MORC1: variants seen among roughly 807,000 people sequenced by gnomAD.
The protein encoded by MORC1 is MORC family CW-type zinc finger protein 1.
In MORC1, 59 loss-of-function variants were observed where a neutral mutation model predicts 134.9. That is an observed-to-expected ratio of 0.44 (90% confidence interval 0.35 to 0.54). MORC1 has a LOEUF of 0.54. MORC1 is among the 20% of genes least tolerant of loss of function. MORC1 has a pLI of 0.00. For synonymous variants in MORC1, 395 were observed against 391.7 expected, an observed-to-expected ratio of 1.01 and a Z score of -0.10; for missense variants, 947 against 1,134.5, an observed-to-expected ratio of 0.83 and a Z score of 2.37.
chr3:109,022,232 T>C (rs1948975054), intron 17 of MORC1, among the ~76,000 whole-genome samples: 1 of 152,210 alleles, frequency 6.6e-6, no homozygotes. Context: ...ATGGCATCTG[T>C]CACTATAGTT....
At chr3:108,975,348 C>A (rs1947518908) in intron 24 of MORC1, among the ~76,000 whole-genome samples, 1 of 152,162 alleles carries the variant, frequency 6.6e-6, no homozygotes, top group South Asian at 2.1e-4. Context: ...TTTCCTTTAA[C>A]AACTGGCAGA....
At chr3:109,010,877 A>G (rs1239112142) in intron 17 of MORC1, among the ~76,000 whole-genome samples, 3 of 152,216 alleles carry the variant, frequency 2.0e-5, no homozygotes, top group Non-Finnish European at 2.9e-5. Flanking sequence ...CTGAATGGAC[A>G]TGCCATAATT....
At position 109,099,314 on chromosome 3, in the gene MORC1, C is replaced by G. The variant is rs546466022; in HGVS notation, c.423+44G>C. ...CACCTCCTGAGAGAGTAAATGAAAG[C>G]AACATCATTGCTATGGGAACAGAAG... On this transcript the variant is annotated intron_variant, in intron 6 of 27. Coordinates refer to ENST00000232603, the MANE Select transcript of MORC1 (RefSeq NM_014429.4). 3.6e-6 allele frequency: 5 copies of G among 1,394,934 alleles called. No homozygotes were observed. The South Asian group carries it at 6.4e-5, about 18-fold the overall frequency. 86.4% of individuals were successfully genotyped at this position (1,394,934 alleles called of 1,614,324 possible).
intron 17 of MORC1, among the ~76,000 whole-genome samples, chr3:109,019,599 T>C (rs1271557605): frequency 6.6e-6 from 1 of 152,214 alleles, no homozygotes; most frequent in Non-Finnish European, 1.5e-5. Flanking sequence ...CCAGTCTGCG[T>C]TGGCTGAAAT....
At chr3:109,077,922 G>A (rs1210482340) in intron 8 of MORC1, among the ~76,000 whole-genome samples, 1 of 151,918 alleles carries the variant, frequency 6.6e-6, no homozygotes, top group Non-Finnish European at 1.5e-5. Flanking sequence ...ATACACAGTA[G>A]GAAAATGTTA....
chr3:108,990,855 A>G (rs1276379647), intron 21 of MORC1, among the ~76,000 whole-genome samples: 1 of 151,998 alleles, frequency 6.6e-6, no homozygotes, highest in African/African-American at 2.4e-5. Context: ...GAGTCCAGGT[A>G]TATGAACGAC....
chr3:108,970,981 C>T (rs926993075), intron 25 of MORC1, among the ~76,000 whole-genome samples: 1 of 152,130 alleles, frequency 6.6e-6, no homozygotes, highest in Non-Finnish European at 1.5e-5. Flanking sequence ...CCTAATGTGC[C>T]TGACCTACCC....
chr3:108,983,783 A>G (rs538601829), intron 23 of MORC1, among the ~76,000 whole-genome samples: 40 of 152,324 alleles, frequency 2.6e-4, no homozygotes, highest in Non-Finnish European at 8.8e-5. Context: ...TTGAACTGAG[A>G]CTTAAATGAA....
chr3:109,044,424 G>A (rs909622792), intron 14 of MORC1, among the ~76,000 whole-genome samples: 6 of 152,126 alleles, frequency 3.9e-5, no homozygotes, highest in Admixed American at 3.3e-4. Context: ...CAGGCATGGT[G>A]GCGGGCACCT....
intron 8 of MORC1, among the ~76,000 whole-genome samples, chr3:109,089,123 A>AC (rs1950670571): frequency 1.3e-5 from 2 of 152,200 alleles, no homozygotes; most frequent in South Asian, 2.1e-4. Flanking sequence ...TGGGCTTAAT[A>AC]CCTGAGTGAT....
chr3:108,999,094 G>A (rs113172001), intron 21 of MORC1, among the ~76,000 whole-genome samples: 1 of 152,118 alleles, frequency 6.6e-6, no homozygotes, highest in Admixed American at 6.5e-5. Flanking sequence ...CAAGAGAGGC[G>A]GCATTATTTA....
chr3:109,100,333 G>T, intron 5 of MORC1, 84 bp downstream of exon 5: 1 of 1,055,370 alleles, frequency 9.5e-7, no homozygotes, highest in Non-Finnish European at 1.5e-6. Flanking sequence ...AGCTTTACAT[G>T]CCTGCATCAT....
At chr3:109,070,415 G>A (rs114655755) in intron 8 of MORC1, among the ~76,000 whole-genome samples, 228 of 152,262 alleles carry the variant, frequency 1.5e-3, no homozygotes, top group African/African-American at 4.5e-3. Context: ...TTGTAAAGCT[G>A]CATTTTGGGA....
intron 17 of MORC1, among the ~76,000 whole-genome samples, chr3:109,027,532 G>A (rs565448472): frequency 2.6e-5 from 4 of 151,138 alleles, no homozygotes; most frequent in African/African-American, 4.9e-5. Flanking sequence ...ATGCATTGTC[G>A]TATAGATGGG....
Position 108,963,500 on chromosome 3 carries a change from GC to G in MORC1, c.2712del (p.Gln905AsnfsTer13). ...GAGATTTTTCTTTTATTTTCACATT[GC>G]CCCAGAGAGATTTCATTATGTATTC... ...TRGIHNEISL[G>X]QCENKRKISE... is the part of the protein sequence containing the mutation. On this transcript the variant is annotated frameshift_variant, in exon 27 of 28. Transcript: ENST00000232603. LOFTEE classifies it high-confidence loss of function. 1 of 1,611,454 alleles carries G rather than the reference GC, an allele frequency of 6.2e-7. No individual in the cohort carries two copies.
intron 9 of MORC1, among the ~76,000 whole-genome samples, chr3:109,065,616 C>A (rs571243961): frequency 3.9e-5 from 6 of 152,178 alleles, no homozygotes; most frequent in Non-Finnish European, 7.3e-5. Flanking sequence ...ATTGCTCACT[C>A]TGATAGAAGT....
intron 17 of MORC1, among the ~76,000 whole-genome samples, chr3:109,018,647 TG>T (rs1450085180): frequency 6.6e-6 from 1 of 152,208 alleles, no homozygotes; most frequent in African/African-American, 2.4e-5. Flanking sequence ...TCATCTGATC[TG>T]ACTCTCACCC....
chr3:109,092,951 T>C (rs1253824579), intron 8 of MORC1, among the ~76,000 whole-genome samples: 1 of 152,192 alleles, frequency 6.6e-6, no homozygotes, highest in Non-Finnish European at 1.5e-5. Context: ...AAATAATGAT[T>C]AAATTGCCAC....
intron 8 of MORC1, among the ~76,000 whole-genome samples, chr3:109,090,393 G>A (rs1950693231): frequency 6.6e-6 from 1 of 151,948 alleles, no homozygotes; most frequent in Non-Finnish European, 1.5e-5. Flanking sequence ...CGAGGTGGGT[G>A]GATCACCTGA....
Sources: allele counts gnomAD v4.1 joint callset (sites outside exome capture counted in the v4.1 genomes callset), GRCh38; gene constraint gnomAD v4.1.1; transcripts MANE v1.5; gene names NCBI Gene and HGNC (gene_info 2026-07-23, HGNC 2026-07-21).